STX11: variants seen among roughly 807,000 people sequenced by gnomAD.
STX11 encodes syntaxin-11.
Under a neutral mutation model 19.9 loss-of-function variants are expected in STX11, and 21 were observed. That is an observed-to-expected ratio of 1.06 (90% CI 0.75 to 1.52). The LOEUF is 1.52. Ranked by LOEUF, STX11 falls within the 40% of genes most tolerant of loss-of-function variation. The pLI, the probability that STX11 is intolerant of heterozygous loss-of-function variation, is 0.00. For synonymous variants in STX11, 193 were observed against 174.4 expected, an observed-to-expected ratio of 1.11 and a Z score of -0.84; for missense variants, 438 against 405.9, an observed-to-expected ratio of 1.08 and a Z score of -0.68.
Position 144,175,308 on chromosome 6 carries a change from G to A in STX11, c.-5-11315G>A, listed in dbSNP as rs117396880. ...ATCATTTGTTGAAGTCTCAATATATGCTACTCTCATGAAAATGCTTTATAC... is the reference window on the plus strand; with the variant it reads ...ATCATTTGTTGAAGTCTCAATATATACTACTCTCATGAAAATGCTTTATAC... On this transcript the variant is annotated intron_variant, in intron 1 of 1. Coordinates refer to ENST00000367568, the MANE Select transcript of STX11 (RefSeq NM_003764.4). This position sits in a 1 kb window ranked among gnomAD's most constrained non-coding sequence, Gnocchi z 5.1. 5.4e-3 allele frequency among the ~76,000 whole-genome samples: 817 copies of A among 152,284 alleles called. 28 individuals are homozygous for A. In the East Asian group the frequency reaches 0.081, roughly 15 times the overall value.
rs190321571 is a variant in STX11 at position 144,170,457 on chromosome 6, A to G, written c.-5-16166A>G. Among the ~76,000 whole-genome samples the G allele has an allele frequency of 1.9e-4, 29 of 152,252 alleles. No homozygotes were observed. Among genetic ancestry groups the G allele is most frequent in the African/African-American group, 6.7e-4 (28 of 41,528 alleles). On this transcript the variant is annotated intron_variant, in intron 1 of 1. Coordinates refer to ENST00000367568, the MANE Select transcript of STX11 (RefSeq NM_003764.4). The surrounding 1 kb of genome is among the most constrained non-coding windows in gnomAD (Gnocchi z 4.7). ...GGGGACACTGAGTAAATTGTGTGTT[A>G]TGTACTTGTGTTTTGACTGCGACTT...
intron 1 of STX11, among the ~76,000 whole-genome samples, chr6:144,164,916 C>T (rs888760976): frequency 4.6e-5 from 7 of 151,810 alleles, no homozygotes; most frequent in African/African-American, 1.7e-4. Flanking sequence ...AGGCTAGTCT[C>T]AAACTCCTGA....
chr6:144,150,825 C>T (rs1248037660), intron 1 of STX11, 122 bp downstream of exon 1: 2 of 779,828 alleles, frequency 2.6e-6, no homozygotes, highest in African/African-American at 3.8e-5. Flanking sequence ...GCGGCTGTGC[C>T]TTAGGTGGGA....
rs1476219726 is a variant in STX11 at position 144,190,068 on chromosome 6, T to G, written c.*2577T>G. ...TATATACATTTTAATTCCTCACGTTTTATATTGGAGAGTTCGGTACAGACT... is the reference window on the plus strand; with the variant it reads ...TATATACATTTTAATTCCTCACGTTGTATATTGGAGAGTTCGGTACAGACT... On this transcript the variant is annotated 3_prime_UTR_variant, in exon 2 of 2. Coordinates refer to ENST00000367568, the MANE Select transcript of STX11 (RefSeq NM_003764.4). Among the ~76,000 whole-genome samples the G allele has an allele frequency of 6.6e-6, 1 of 152,184 alleles. No individual in the cohort carries two copies. The highest frequency in any genetic ancestry group is 1.5e-5 in the Non-Finnish European group (1 of 68,026).
At chr6:144,147,139 GCAAA>G (rs1323163278), upstream of STX11, among the ~76,000 whole-genome samples, 4 of 150,654 alleles carry the variant, frequency 2.7e-5, no homozygotes, top group Admixed American at 6.6e-5. The surrounding 1 kb of genome is among the most constrained non-coding windows in gnomAD (Gnocchi z 4.2). Context: ...ATGCTGGTGA[GCAAA>G]CAAACATGTA....
At chr6:144,149,349 C>T (rs565049470), upstream of STX11, among the ~76,000 whole-genome samples, 2 of 152,152 alleles carry the variant, frequency 1.3e-5, no homozygotes, top group South Asian at 2.1e-4. This position sits in a 1 kb window ranked among gnomAD's most constrained non-coding sequence, Gnocchi z 5.1. Context: ...GCTTGTAATC[C>T]AATACTACCT....
rs1338889902 is a variant in STX11, at chr6:144,167,315, AT to A, written c.-6+16619del. Among the ~76,000 whole-genome samples, 1 of 152,150 alleles carries A rather than the reference AT, an allele frequency of 6.6e-6. No individual in the cohort carries two copies. The highest frequency in any genetic ancestry group is 2.4e-5 in the African/African-American group (1 of 41,446). On this transcript the variant is annotated intron_variant, in intron 1 of 1. Transcript: ENST00000367568. This position sits in a 1 kb window ranked among gnomAD's most constrained non-coding sequence, Gnocchi z 5.0. ...GTACTAGAAGTGTTTTGGATTTCAG[AT>A]TTTTTTGGATTTTGGAATATTTGCA...
rs898018466 is a variant in STX11 at position 144,170,306 on chromosome 6, C to G, written c.-5-16317C>G. ...GGTGGAGAATCTGCTATTGGTGCAT[C>G]CAGCCTGCTGCACACATGCCATTTT... is the stretch of plus-strand genomic sequence containing the variant. On this transcript the variant is annotated intron_variant, in intron 1 of 1. Coordinates refer to ENST00000367568, the MANE Select transcript of STX11 (RefSeq NM_003764.4). This position sits in a 1 kb window ranked among gnomAD's most constrained non-coding sequence, Gnocchi z 4.7. 6.6e-6 allele frequency among the ~76,000 whole-genome samples: 1 copy of G among 152,140 alleles called. No individual in the cohort carries two copies. Among genetic ancestry groups the G allele is most frequent in the Admixed American group, 6.6e-5 (1 of 15,264 alleles).
chr6:144,149,345 A>T (rs1800935744), upstream of STX11, among the ~76,000 whole-genome samples: 2 of 152,154 alleles, frequency 1.3e-5, no homozygotes, highest in Admixed American at 6.5e-5. The surrounding 1 kb of genome is among the most constrained non-coding windows in gnomAD (Gnocchi z 5.1). Flanking sequence ...TTTGGCTTGT[A>T]ATCCAATACT....
chr6:144,164,827 G>C (rs1486980328), intron 1 of STX11, among the ~76,000 whole-genome samples: 2 of 152,036 alleles, frequency 1.3e-5, no homozygotes, highest in Admixed American at 1.3e-4. Context: ...CCAAGTAGCT[G>C]GGATTACAGG....
rs778421245 is a variant in STX11, at chr6:144,191,921, T to C, written c.*4430T>C. 5.3e-5 allele frequency among the ~76,000 whole-genome samples: 8 copies of C among 152,212 alleles called. No homozygotes were observed. The highest frequency in any genetic ancestry group is 2.0e-4 in the Admixed American group (3 of 15,280). ...TGTAAAGTCATGTGTCTATTGATAA[T>C]AAAGATTTTCGGAACTGATGTTCTG... On this transcript the variant is annotated 3_prime_UTR_variant, in exon 2 of 2. Coordinates refer to ENST00000367568, the MANE Select transcript of STX11 (RefSeq NM_003764.4).
In STX11 at chr6:144,177,775, C is replaced by G. The variant is rs1297695186; in HGVS notation, c.-5-8848C>G. Among the ~76,000 whole-genome samples the G allele has an allele frequency of 2.6e-5, 4 of 152,140 alleles. No homozygotes were observed. The highest frequency in any genetic ancestry group is 5.9e-5 in the Non-Finnish European group (4 of 68,000). On this transcript the variant is annotated intron_variant, in intron 1 of 1. Transcript: ENST00000367568. The surrounding 1 kb of genome is among the most constrained non-coding windows in gnomAD (Gnocchi z 4.4). ...AAAAAAAAGAAGAAAGAAAGCTCAT[C>G]TACTGTCCTTTCCTGCTGTGGCTTC...
At chr6:144,147,993 A>G (rs1461447412), upstream of STX11, among the ~76,000 whole-genome samples, 1 of 152,186 alleles carries the variant, frequency 6.6e-6, no homozygotes, top group Non-Finnish European at 1.5e-5. This position sits in a 1 kb window ranked among gnomAD's most constrained non-coding sequence, Gnocchi z 4.2. Flanking sequence ...CCATGGTCCA[A>G]TAAATTTGAC....
rs761191552 is a variant in STX11, at chr6:144,182,386, G to A, written c.-5-4237G>A. ...AAGGCTGGCTGAGCCAAGAGAGGTGGGCAGGAAGGCCAGGTGAAGGCCCCC... is the reference window on the plus strand; with the variant it reads ...AAGGCTGGCTGAGCCAAGAGAGGTGAGCAGGAAGGCCAGGTGAAGGCCCCC... On this transcript the variant is annotated intron_variant, in intron 1 of 1. Transcript: ENST00000367568. This position sits in a 1 kb window ranked among gnomAD's most constrained non-coding sequence, Gnocchi z 4.8. 3.3e-5 allele frequency among the ~76,000 whole-genome samples: 5 copies of A among 151,996 alleles called. No individual in the cohort carries two copies. Among genetic ancestry groups the A allele is most frequent in the Non-Finnish European group, 7.4e-5 (5 of 67,974 alleles).
At chr6:144,142,434 G>A in the STX11 span, among the ~76,000 whole-genome samples, 1 of 151,946 alleles carries the variant, frequency 6.6e-6, no homozygotes, top group African/African-American at 2.4e-5. Flanking sequence ...TTTAAGATAT[G>A]CTTATTACAT....
the STX11 span, among the ~76,000 whole-genome samples, chr6:144,143,173 G>A: frequency 3.9e-5 from 6 of 152,256 alleles, no homozygotes; most frequent in South Asian, 1.2e-3. Context: ...TGCGTGTACT[G>A]GAGAACAATT....
At chr6:144,140,413 C>T in the STX11 span, among the ~76,000 whole-genome samples, 1 of 151,420 alleles carries the variant, frequency 6.6e-6, no homozygotes, top group South Asian at 2.1e-4. Flanking sequence ...CGCCACCACG[C>T]CTGGCTAATT....
In STX11 at chr6:144,189,321, C is replaced by CA. The variant is rs1802154950; in HGVS notation, c.*1833dup. On this transcript the variant is annotated 3_prime_UTR_variant, in exon 2 of 2. Coordinates refer to ENST00000367568, the MANE Select transcript of STX11 (RefSeq NM_003764.4). ...ACAGGCCTGAGCCACTGACCCTGGC[C>CA]AAATTTTTTTTCTACTAGCTACTGA... 6.6e-6 allele frequency among the ~76,000 whole-genome samples: 1 copy of CA among 152,178 alleles called. No homozygotes were observed. Among genetic ancestry groups the CA allele is most frequent in the Non-Finnish European group, 1.5e-5 (1 of 68,036 alleles).
chr6:144,190,636 T>C lies in STX11; in HGVS notation c.*3145T>C, dbSNP rs1338311075. Among the ~76,000 whole-genome samples, 1 of 152,130 alleles carries C rather than the reference T, an allele frequency of 6.6e-6. No individual in the cohort carries two copies. Among genetic ancestry groups the C allele is most frequent in the Non-Finnish European group, 1.5e-5 (1 of 68,010 alleles). On this transcript the variant is annotated 3_prime_UTR_variant, in exon 2 of 2. Transcript: ENST00000367568. The stretch of plus-strand genomic sequence containing the variant: ...GTTTTCACTATGGCATTTCTATCCC[T>C]GTGTATATCCAAACATGTCCTGAAG...
Sources: allele counts gnomAD v4.1 joint callset (sites outside exome capture counted in the v4.1 genomes callset), GRCh38; gene constraint gnomAD v4.1.1; non-coding constraint Gnocchi (gnomAD v3.1); transcripts MANE v1.5; gene names NCBI Gene and HGNC (gene_info 2026-07-23, HGNC 2026-07-21).